Variants in CACNA1E observed in about 807,000 individuals in gnomAD.
CACNA1E encodes calcium voltage-gated channel subunit alpha1 E, also known as voltage-dependent R-type calcium channel subunit alpha-1E.
A neutral mutation model predicts 259.2 loss-of-function variants in CACNA1E; 40 were observed. The observed-to-expected ratio is 0.15, with a 90% CI of 0.12 to 0.20. CACNA1E has a LOEUF of 0.20. CACNA1E is among the 10% of genes least tolerant of loss of function. The probability of loss-of-function intolerance (pLI) is 1.00; values close to 1 mark genes in which losing one functional copy is unlikely to be tolerated. For synonymous variants in CACNA1E, 1,104 were observed against 1,138.5 expected, an observed-to-expected ratio of 0.97 and a Z score of 0.61; for missense variants, 1,874 against 3,040.1, an observed-to-expected ratio of 0.62 and a Z score of 9.02.
chr1:181,459,303 C>A (rs768793425), intron 2 of CACNA1E, among the ~76,000 whole-genome samples: 1 of 152,348 alleles, frequency 6.6e-6, no homozygotes, highest in South Asian at 2.1e-4. Flanking sequence ...ATAGGTGAGC[C>A]GGTGAGCACT....
intron 2 of CACNA1E, among the ~76,000 whole-genome samples, chr1:181,449,841 A>T (rs982818013): frequency 1.8e-4 from 28 of 152,244 alleles, no homozygotes; most frequent in African/African-American, 6.8e-4. Flanking sequence ...TTAAAATGGC[A>T]AATGCAATAT....
At chr1:181,759,681 G>A (rs1658405822) in intron 32 of CACNA1E, among the ~76,000 whole-genome samples, 1 of 152,202 alleles carries the variant, frequency 6.6e-6, no homozygotes, top group African/African-American at 2.4e-5. Context: ...TCAGTGGGAT[G>A]CAAGCCCATG....
chr1:181,605,542 G>A (rs941092183), intron 6 of CACNA1E, among the ~76,000 whole-genome samples: 2 of 152,076 alleles, frequency 1.3e-5, no homozygotes, highest in Admixed American at 6.6e-5. Context: ...AATAGAAAGG[G>A]AAAAAAATCT....
At chr1:181,534,726 T>G (rs1179089932) in intron 3 of CACNA1E, among the ~76,000 whole-genome samples, 1 of 151,890 alleles carries the variant, frequency 6.6e-6, no homozygotes, top group Non-Finnish European at 1.5e-5. Context: ...ACAAGAAAAT[T>G]TAGCAAGTTC....
intron 1 of CACNA1E, among the ~76,000 whole-genome samples, chr1:181,394,382 T>C (rs74127782): frequency 0.025 from 3,865 of 152,286 alleles, 171 homozygotes; most frequent in African/African-American, 0.086. Flanking sequence ...ATACAGAACA[T>C]TTTGTGAGGC....
chr1:181,656,508 T>A (rs1281461048), intron 7 of CACNA1E, among the ~76,000 whole-genome samples: 1 of 152,238 alleles, frequency 6.6e-6, no homozygotes, highest in African/African-American at 2.4e-5. Context: ...AAGCTAAGCA[T>A]TATTGCCAAA....
intron 37 of CACNA1E, 92 bp downstream of exon 37, chr1:181,772,323 GTATGT>G: frequency 7.6e-7 from 1 of 1,317,172 alleles, no homozygotes; most frequent in Non-Finnish European, 1.1e-6. Flanking sequence ...TTGCTTCAGT[GTATGT>G]TTGTGCCTCC....
rs868633144 is a variant in CACNA1E at position 181,732,448 on chromosome 1, C to A, written c.2362C>A (p.His788Asn). ...GCAGCGTACCAGCCAGCTGAGGAAG[C>A]ACATGCAGATGTCCAGCCAGGAGGC... ...WEQRTSQLRK[H>N]MQMSSQEALN... The change falls in exon 20 of 48, where the codon CAC becomes AAC. Residue 788 changes from histidine to asparagine, a missense_variant. Physicochemically the swap from His to Asn is moderately conservative, Grantham distance 68. Transcript: ENST00000367573. The surrounding 1 kb of genome is among the most constrained non-coding windows in gnomAD (Gnocchi z 5.5). 6.5e-7 allele frequency: 1 copy of A among 1,550,242 alleles called. No homozygotes were observed. Among genetic ancestry groups the A allele is most frequent in the Non-Finnish European group, 8.7e-7 (1 of 1,146,298 alleles).
At chr1:181,388,587 A>G (rs1446440103) in intron 1 of CACNA1E, among the ~76,000 whole-genome samples, 1 of 152,210 alleles carries the variant, frequency 6.6e-6, no homozygotes, top group Non-Finnish European at 1.5e-5. Context: ...GAAAAGGTAC[A>G]ATAAAAATAT....
chr1:181,508,957 G>C (rs985230215), intron 1 of CACNA1E, among the ~76,000 whole-genome samples: 1 of 152,148 alleles, frequency 6.6e-6, no homozygotes, highest in African/African-American at 2.4e-5. Flanking sequence ...CCTCAGGGCA[G>C]CAGAGGCCCG....
intron 7 of CACNA1E, among the ~76,000 whole-genome samples, chr1:181,686,454 T>A (rs1382512567): frequency 6.6e-6 from 1 of 151,666 alleles, no homozygotes; most frequent in Non-Finnish European, 1.5e-5. Flanking sequence ...GCCTGGCTAA[T>A]TTTGTGTTTT....
At chr1:181,546,664 C>T (rs1471855828) in intron 3 of CACNA1E, among the ~76,000 whole-genome samples, 4 of 152,234 alleles carry the variant, frequency 2.6e-5, no homozygotes, top group East Asian at 3.9e-4. Flanking sequence ...CCAGCTGCTG[C>T]GGTGATAAAC....
At chr1:181,723,588 G>C (rs1012878064) in intron 16 of CACNA1E, among the ~76,000 whole-genome samples, 2 of 152,082 alleles carry the variant, frequency 1.3e-5, no homozygotes, top group Non-Finnish European at 2.9e-5. Context: ...CCCACAGGTC[G>C]ATGGCTCAAT....
intron 1 of CACNA1E, among the ~76,000 whole-genome samples, chr1:181,363,060 G>C (rs559695811): frequency 6.6e-6 from 1 of 152,284 alleles, no homozygotes; most frequent in East Asian, 1.9e-4. Context: ...AGTTCCCCCT[G>C]GGGGACCATC....
At chr1:181,387,707 C>T (rs139903448) in intron 1 of CACNA1E, among the ~76,000 whole-genome samples, 1 of 152,330 alleles carries the variant, frequency 6.6e-6, no homozygotes, top group Admixed American at 6.5e-5. Flanking sequence ...AACAGGGATC[C>T]TGCCCTGGCA....
At chr1:181,748,526 G>A (rs1053767274) in intron 25 of CACNA1E, among the ~76,000 whole-genome samples, 9 of 152,094 alleles carry the variant, frequency 5.9e-5, no homozygotes, top group African/African-American at 9.7e-5. Flanking sequence ...AAAGGTCTCC[G>A]AGATAAGGAC....
intron 1 of CACNA1E, among the ~76,000 whole-genome samples, chr1:181,333,323 T>C (rs1460394587): frequency 1.3e-5 from 2 of 152,192 alleles, no homozygotes; most frequent in African/African-American, 4.8e-5. Context: ...GTGCCCATCT[T>C]CTGGGGTCTC....
chr1:181,591,187 T>C (rs1472865097), intron 6 of CACNA1E, among the ~76,000 whole-genome samples: 1 of 152,274 alleles, frequency 6.6e-6, no homozygotes, highest in Non-Finnish European at 1.5e-5. Context: ...CCACCCACAG[T>C]CACACTGGCT....
chr1:181,702,212 T>G (rs970768012), intron 7 of CACNA1E, among the ~76,000 whole-genome samples: 1 of 152,140 alleles, frequency 6.6e-6, no homozygotes, highest in Non-Finnish European at 1.5e-5. Context: ...TTCTTCTGGT[T>G]GCTGTAGCTT....
Sources: allele counts gnomAD v4.1 joint callset (sites outside exome capture counted in the v4.1 genomes callset), GRCh38; gene constraint gnomAD v4.1.1; non-coding constraint Gnocchi (gnomAD v3.1); transcripts MANE v1.5; gene names NCBI Gene and HGNC (gene_info 2026-07-23, HGNC 2026-07-21).